The following DNAH14 variants were observed in gnomAD, a reference collection of about 807,000 sequenced individuals.
DNAH14 encodes axonemal beta dynein heavy chain 14.
A neutral mutation model predicts 520.9 loss-of-function variants in DNAH14; 478 were observed. That is an observed-to-expected ratio of 0.92 (90% CI 0.85 to 0.99). DNAH14 has a LOEUF of 0.99. Among genes scored for constraint, DNAH14 ranks in the 50% least tolerant of loss-of-function variants. The pLI is 0.00. For synonymous variants in DNAH14, 1,581 were observed against 1,757.2 expected (o/e 0.90, Z 2.51); for missense variants, 4,831 against 5,234.5 (o/e 0.92, Z 2.38).
intron 27 of DNAH14, among the ~76,000 whole-genome samples, chr1:225,138,387 G>A (rs1459910671): frequency 6.6e-6 from 1 of 152,210 alleles, no homozygotes; most frequent in Non-Finnish European, 1.5e-5. Flanking sequence ...TCTGCCATTG[G>A]CTGACTGGGA....
At chr1:225,395,808 G>C (rs1174928780) in intron 84 of DNAH14, 1 of 152,260 alleles carries the variant, frequency 6.6e-6, no homozygotes, top group Non-Finnish European at 1.5e-5. Context: ...AGTGGGAGGA[G>C]GTGGTGGACA....
intron 81 of DNAH14, among the ~76,000 whole-genome samples, chr1:225,383,018 T>C (rs1209497171): frequency 6.6e-6 from 1 of 152,108 alleles, no homozygotes; most frequent in Non-Finnish European, 1.5e-5. Flanking sequence ...AGAAAATAGA[T>C]TATTGGTTGC....
intron 8 of DNAH14, among the ~76,000 whole-genome samples, chr1:224,992,739 T>C (rs943046267): frequency 6.6e-6 from 1 of 152,124 alleles, no homozygotes; most frequent in Admixed American, 6.5e-5. Context: ...TCTACTACTA[T>C]GTTGAATAGA....
At chr1:225,168,110 A>T (rs2082211563) in intron 36 of DNAH14, 82 bp downstream of exon 36, 1 of 790,366 alleles carries the variant, frequency 1.3e-6, no homozygotes, top group African/African-American at 1.8e-5. Context: ...AATAATAATA[A>T]AAGAGAGCTG....
intron 56 of DNAH14, 116 bp from the exon 57 acceptor site, chr1:225,303,040 C>T: frequency 2.5e-6 from 2 of 784,734 alleles, no homozygotes; most frequent in Non-Finnish European, 3.9e-6. Context: ...ATGATCAGTC[C>T]CTGATCTACC....
At chr1:225,383,991 A>G (rs2095809468) in intron 81 of DNAH14, among the ~76,000 whole-genome samples, 1 of 152,174 alleles carries the variant, frequency 6.6e-6, no homozygotes, top group African/African-American at 2.4e-5. Flanking sequence ...TCATTTCGTC[A>G]TGTACCCAGT....
chr1:225,150,941 C>A (rs78134977), intron 31 of DNAH14, among the ~76,000 whole-genome samples: 8,008 of 152,060 alleles, frequency 0.053, 318 homozygotes, highest in Non-Finnish European at 0.077. Context: ...AAAATCTTGA[C>A]CTCAGTGTGA....
chr1:225,190,083 A>C (rs1328511662), intron 37 of DNAH14, among the ~76,000 whole-genome samples: 2 of 151,990 alleles, frequency 1.3e-5, no homozygotes, highest in African/African-American at 4.8e-5. Flanking sequence ...TGGGGAATAC[A>C]TTCCATGACC....
intron 38 of DNAH14, among the ~76,000 whole-genome samples, chr1:225,201,259 C>T (rs750796644): frequency 1.3e-5 from 2 of 151,496 alleles, no homozygotes; most frequent in Non-Finnish European, 2.9e-5. Flanking sequence ...AAAATGTATC[C>T]CCTCATTTCT....
intron 41 of DNAH14, among the ~76,000 whole-genome samples, chr1:225,212,196 G>A (rs1369296145): frequency 6.6e-6 from 1 of 151,390 alleles, no homozygotes; most frequent in Non-Finnish European, 1.5e-5. Flanking sequence ...GAGAATGATG[G>A]TTTCCAGCTT....
Position 225,079,515 on chromosome 1 carries a change from T to C in DNAH14, c.2733T>C (p.Gly911=), listed in dbSNP as rs2072839726. 1.3e-6 allele frequency: 2 copies of C among 1,523,656 alleles called. No individual in the cohort carries two copies. Among genetic ancestry groups the C allele is most frequent in the African/African-American group, 2.8e-5 (2 of 70,934 alleles). The allele number at this position is 1,523,656 out of a possible 1,614,324, so 94.4% of individuals were successfully genotyped here. The stretch of plus-strand genomic sequence containing the variant: ...ATAACTTGGAAGCATGTATCAGTGG[T>C]CTACATGTTGATGTTGGCAATTTAA... The part of the protein sequence containing the change: ...FRDNLEACIS[G]LHVDVGNLKA... The change falls in exon 18 of 86, where the codon GGT becomes GGC. Residue 911 remains glycine, a synonymous_variant. Transcript: ENST00000682510.
intron 81 of DNAH14, among the ~76,000 whole-genome samples, chr1:225,382,109 C>A (rs2095790594): frequency 6.6e-6 from 1 of 152,144 alleles, no homozygotes; most frequent in Non-Finnish European, 1.5e-5. Flanking sequence ...TTTCCAGAAC[C>A]CTGAATCCTA....
At chr1:225,147,312 AATT>A in intron 31 of DNAH14, 63 bp downstream of exon 31, 1 of 1,386,526 alleles carries the variant, frequency 7.2e-7, no homozygotes, top group Non-Finnish European at 9.3e-7. Context: ...ATGTTTAGTT[AATT>A]ATTGTTAAAT....
chr1:225,337,302 C>A lies in DNAH14; in HGVS notation c.10117C>A (p.Gln3373Lys). Residue 3373 changes from glutamine to lysine, a missense_variant, in exon 67 of 86, where the codon CAG becomes AAG. Physicochemically the swap from Gln to Lys is moderately conservative, Grantham distance 53. Coordinates refer to ENST00000682510, the MANE Select transcript of DNAH14 (RefSeq NM_001367479.1). ...RWHNQGLPHG[Q>K]YSVENAILIK... is the part of the protein sequence containing the mutation. ...GCATAATCAGGGACTGCCTCATGGTCAGTATTCAGTAGAGAATGCCATCTT... is the reference window on the plus strand; with the variant it reads ...GCATAATCAGGGACTGCCTCATGGTAAGTATTCAGTAGAGAATGCCATCTT... 6.4e-7 allele frequency: 1 copy of A among 1,551,834 alleles called. No individual in the cohort carries two copies. The highest frequency in any genetic ancestry group is 1.2e-5 in the South Asian group (1 of 84,006).
At chr1:225,066,121 A>AT (rs1478288090) in intron 17 of DNAH14, among the ~76,000 whole-genome samples, 1 of 151,732 alleles carries the variant, frequency 6.6e-6, no homozygotes, top group Non-Finnish European at 1.5e-5. Context: ...GATATTGAGC[A>AT]TTTTTTTCAT....
At chr1:225,160,168 T>A (rs968359571) in intron 35 of DNAH14, among the ~76,000 whole-genome samples, 2 of 152,182 alleles carry the variant, frequency 1.3e-5, no homozygotes, top group African/African-American at 2.4e-5. Context: ...TTTCAATATA[T>A]CCTGTTCTTC....
In DNAH14 at chr1:225,154,361, T is replaced by C. The variant is rs1394068850; in HGVS notation, c.5273+535T>C. Among the ~76,000 whole-genome samples the C allele has an allele frequency of 2.0e-5, 3 of 152,106 alleles. No homozygotes were observed. The East Asian group carries it at 5.8e-4, about 29-fold the overall frequency. ...ATTTAGTTTGTTAATTTGCTTATTT[T>C]TGGGCAAGCTGGTCCTAAAGTTCAC... On this transcript the variant is annotated intron_variant, in intron 34 of 85. Coordinates refer to ENST00000682510, the MANE Select transcript of DNAH14 (RefSeq NM_001367479.1).
chr1:225,252,848 G>T (rs1482380033), intron 44 of DNAH14, among the ~76,000 whole-genome samples: 3 of 152,104 alleles, frequency 2.0e-5, no homozygotes, highest in Non-Finnish European at 4.4e-5. Flanking sequence ...ATACATATAT[G>T]CTAAATTGTT....
intron 8 of DNAH14, among the ~76,000 whole-genome samples, chr1:224,977,757 A>G (rs1368081272): frequency 6.6e-6 from 1 of 152,224 alleles, no homozygotes; most frequent in Non-Finnish European, 1.5e-5. Context: ...GGGAGAAAAT[A>G]TTTGCCAACT....
Sources: allele counts gnomAD v4.1 joint callset (sites outside exome capture counted in the v4.1 genomes callset), GRCh38; gene constraint gnomAD v4.1.1; transcripts MANE v1.5; gene names NCBI Gene and HGNC (gene_info 2026-07-23, HGNC 2026-07-21).